SRBD1: variants seen among roughly 807,000 people sequenced by gnomAD.
SRBD1 encodes the protein S1 RNA-binding domain-containing protein 1.
In SRBD1, 88 loss-of-function variants were observed where a neutral mutation model predicts 115.3. That is an observed-to-expected ratio of 0.76 (90% CI 0.64 to 0.91). SRBD1 has a LOEUF of 0.91. SRBD1 is among the 40% of genes least tolerant of loss of function. The probability of loss-of-function intolerance (pLI) is 0.00; values close to 1 mark genes in which losing one functional copy is unlikely to be tolerated. For missense variants in SRBD1, 1,385 were observed against 1,177.4 expected, an observed-to-expected ratio of 1.18 and a Z score of -2.58; for synonymous variants, 509 against 407.7, an observed-to-expected ratio of 1.25 and a Z score of -2.99.
At chr2:45,393,804 C>T (rs564062699) in intron 19 of SRBD1, among the ~76,000 whole-genome samples, 17 of 152,306 alleles carry the variant, frequency 1.1e-4, no homozygotes, top group Admixed American at 3.9e-4. Context: ...AATAGGCAAA[C>T]GATGAAATGA....
chr2:45,451,507 A>C (rs1351780331), intron 16 of SRBD1, among the ~76,000 whole-genome samples: 6 of 152,062 alleles, frequency 3.9e-5, no homozygotes, highest in Non-Finnish European at 5.9e-5. Context: ...ATTTTGTGGA[A>C]GAGAGATAGC....
Position 45,419,768 on chromosome 2 carries a change from CA to C in SRBD1, c.2156+19del. ...GTTAAACTCAAGATTCTGTGATCTT[CA>C]GCCACATATTTGTCTCACCTTAACA... is the stretch of plus-strand genomic sequence containing the variant. On this transcript the variant is annotated intron_variant, in intron 17 of 20. Coordinates refer to ENST00000263736, the MANE Select transcript of SRBD1 (RefSeq NM_018079.5). 1 of 1,606,182 alleles carries C rather than the reference CA, an allele frequency of 6.2e-7. No individual in the cohort carries two copies. The highest frequency in any genetic ancestry group is 8.5e-7 in the Non-Finnish European group (1 of 1,173,324).
chr2:45,598,439 C>T (rs1673975150), intron 4 of SRBD1, among the ~76,000 whole-genome samples: 1 of 151,936 alleles, frequency 6.6e-6, no homozygotes, highest in Non-Finnish European at 1.5e-5. Flanking sequence ...ACGGTGAAAC[C>T]CTGTCTCTAC....
intron 4 of SRBD1, among the ~76,000 whole-genome samples, chr2:45,597,406 T>G: frequency 6.9e-6 from 1 of 143,914 alleles, no homozygotes; most frequent in African/African-American, 2.6e-5. Flanking sequence ...GGCGACAGAG[T>G]GAGACTCTGT....
chr2:45,389,370 T>C lies in SRBD1; in HGVS notation c.2928A>G (p.Gln976=), dbSNP rs747862165. The change falls in exon 21 of 21, where the codon CAA becomes CAG. Residue 976 remains glutamine (Q), a synonymous_variant. Coordinates refer to ENST00000263736, the MANE Select transcript of SRBD1 (RefSeq NM_018079.5). ...ATCGGGGGATGTCAATGTTGAGTAC[T>C]TGGACTTCCACTCTTTCTCCGGGGC... ...GLGPGERVEV[Q]VLNIDIPRSR... 1 of 1,614,094 alleles carries C rather than the reference T, an allele frequency of 6.2e-7. No individual in the cohort carries two copies. The highest frequency in any genetic ancestry group is 8.5e-7 in the Non-Finnish European group (1 of 1,179,974).
At chr2:45,575,236 C>T (rs1301894896) in intron 7 of SRBD1, among the ~76,000 whole-genome samples, 4 of 152,210 alleles carry the variant, frequency 2.6e-5, no homozygotes. Context: ...TTCAACGACC[C>T]ATTTGAATTT....
At chr2:45,430,592 T>C (rs1394716087) in intron 16 of SRBD1, among the ~76,000 whole-genome samples, 1 of 152,208 alleles carries the variant, frequency 6.6e-6, no homozygotes, top group Non-Finnish European at 1.5e-5. Context: ...GCTAGCCATA[T>C]GCAGAAAACT....
rs143177963 is a variant in SRBD1 at position 45,579,882 on chromosome 2, G to T, written c.1065C>A (p.Asp355Glu). ...TGTAAATAAAGCCAGTACCTTTAAC[G>T]TCAGGCCTAATGTACGATAGCAGAC... ...ELSLLSYIRP[D>E]VKGLSTLQDI... Residue 355 changes from aspartate (D) to glutamate (E), a missense_variant, in exon 7 of 21, where the codon GAC becomes GAA. Physicochemically the swap from Asp to Glu is conservative, Grantham distance 45. Transcript: ENST00000263736. The T allele has an allele frequency of 6.4e-7, 1 of 1,573,112 alleles. No individual in the cohort carries two copies. Among genetic ancestry groups the T allele is most frequent in the Non-Finnish European group, 8.6e-7 (1 of 1,164,870 alleles).
At chr2:45,591,191 G>T (rs1163162019) in intron 4 of SRBD1, among the ~76,000 whole-genome samples, 2 of 152,134 alleles carry the variant, frequency 1.3e-5, no homozygotes. Context: ...CAGTGCTTAA[G>T]ATATTTTGCA....
intron 1 of SRBD1, among the ~76,000 whole-genome samples, chr2:45,610,811 C>G (rs1017260969): frequency 7.2e-5 from 11 of 152,144 alleles, no homozygotes; most frequent in Admixed American, 6.5e-4. Flanking sequence ...GCCTGTAGCC[C>G]CAGCTACTCG....
intron 6 of SRBD1, among the ~76,000 whole-genome samples, chr2:45,580,502 C>A (rs185249550): frequency 6.9e-6 from 1 of 145,586 alleles, no homozygotes; most frequent in East Asian, 2.0e-4. Flanking sequence ...CGCACCACTA[C>A]GTCCAGCTAT....
At position 45,536,406 on chromosome 2, in the gene SRBD1, C is replaced by T. The variant is rs147684900; in HGVS notation, c.1874+10326G>A. Among the ~76,000 whole-genome samples the T allele has an allele frequency of 2.6e-5, 4 of 152,060 alleles. No individual in the cohort carries two copies. The East Asian group carries it at 7.7e-4, about 29-fold the overall frequency. ...CTAATAGGTAGAAGACTTGTTCTAGCAAACCAATCACCCAAACATTTTTAT... is the reference window on the plus strand; with the variant it reads ...CTAATAGGTAGAAGACTTGTTCTAGTAAACCAATCACCCAAACATTTTTAT... On this transcript the variant is annotated intron_variant, in intron 14 of 20. Coordinates refer to ENST00000263736, the MANE Select transcript of SRBD1 (RefSeq NM_018079.5).
At chr2:45,580,962 C>T (rs1184073122) in intron 6 of SRBD1, among the ~76,000 whole-genome samples, 1 of 152,048 alleles carries the variant, frequency 6.6e-6, no homozygotes, top group Non-Finnish European at 1.5e-5. Flanking sequence ...GGATTACAGG[C>T]TTGAGCCACC....
chr2:45,489,939 C>T (rs1046371188), intron 14 of SRBD1, among the ~76,000 whole-genome samples: 1 of 152,092 alleles, frequency 6.6e-6, no homozygotes, highest in East Asian at 1.9e-4. Flanking sequence ...TAGAAGAACT[C>T]GTATCTCTCT....
intron 14 of SRBD1, among the ~76,000 whole-genome samples, chr2:45,519,468 A>C (rs960175122): frequency 6.6e-6 from 1 of 152,218 alleles, no homozygotes; most frequent in African/African-American, 2.4e-5. Flanking sequence ...TGGCCACTTA[A>C]GTAGTTTACA....
At chr2:45,474,065 A>AT (rs1402268286) in intron 16 of SRBD1, among the ~76,000 whole-genome samples, 1 of 152,180 alleles carries the variant, frequency 6.6e-6, no homozygotes, top group Non-Finnish European at 1.5e-5. Flanking sequence ...CCAATTATGC[A>AT]TTTTAATCCT....
At chr2:45,437,335 T>A in intron 16 of SRBD1, among the ~76,000 whole-genome samples, 1 of 130,516 alleles carries the variant, frequency 7.7e-6, no homozygotes, top group African/African-American at 3.1e-5. Context: ...AGCATAGTAA[T>A]CAAGACACTG....
Position 45,389,594 on chromosome 2 carries a change from C to T in SRBD1, c.2704G>A (p.Asp902Asn). 6.2e-7 allele frequency: 1 copy of T among 1,611,156 alleles called. No homozygotes were observed. Among genetic ancestry groups the T allele is most frequent in the Non-Finnish European group, 8.5e-7 (1 of 1,178,786 alleles). ...ATGCTTCTCTTGAAATCAGGTTTATCAAAATCTGTAAGAGAAAAAAAGTAA... is the reference window on the plus strand; with the variant it reads ...ATGCTTCTCTTGAAATCAGGTTTATTAAAATCTGTAAGAGAAAAAAAGTAA... ...PESFDFRTDF[D>N]KPDFKRSIVC... is the part of the protein sequence containing the mutation. The change falls in exon 21 of 21, where the codon GAT becomes AAT. Residue 902 changes from aspartate to asparagine, a missense_variant. Coordinates refer to ENST00000263736, the MANE Select transcript of SRBD1 (RefSeq NM_018079.5).
At chr2:45,494,627 T>C (rs1320398317) in intron 14 of SRBD1, among the ~76,000 whole-genome samples, 1 of 152,180 alleles carries the variant, frequency 6.6e-6, no homozygotes, top group Non-Finnish European at 1.5e-5. Flanking sequence ...ATCCTTAAAT[T>C]TCACTTGGTC....
Sources: gnomAD v4.1 joint callset for allele counts (sites outside exome capture counted in the v4.1 genomes callset) on GRCh38, gnomAD v4.1.1 for gene constraint, MANE v1.5 for transcripts, NCBI Gene and HGNC (gene_info 2026-07-23, HGNC 2026-07-21) for gene names.